KCNT1: variants seen among roughly 807,000 people sequenced by gnomAD.
KCNT1 encodes the protein potassium sodium-activated channel subfamily T member 1.
Under a neutral mutation model 147.8 loss-of-function variants are expected in KCNT1, and 78 were observed. That is an observed-to-expected ratio of 0.53 (90% confidence interval 0.44 to 0.64). The LOEUF (loss-of-function observed/expected upper bound fraction) is 0.64, where lower values mean the gene tolerates loss of function less well. Among genes scored for constraint, KCNT1 ranks in the 30% least tolerant of loss-of-function variants. The pLI, the probability that KCNT1 is intolerant of heterozygous loss-of-function variation, is 0.00. For synonymous variants in KCNT1, 867 were observed against 748.8 expected (o/e 1.16, Z -2.58); for missense variants, 1,419 against 1,750.3 (o/e 0.81, Z 3.38).
At chr9:135,756,711 A>G (rs1327521797) in intron 6 of KCNT1, among the ~76,000 whole-genome samples, 162 bp from the exon 7 acceptor site, 1 of 151,984 alleles carries the variant, frequency 6.6e-6, no homozygotes, top group Non-Finnish European at 1.5e-5. Context: ...GGTCAGCCAA[A>G]GGCCTTGGTG....
chr9:135,719,208 C>T (rs1018208340), intron 2 of KCNT1, among the ~76,000 whole-genome samples: 9 of 152,304 alleles, frequency 5.9e-5, no homozygotes, highest in East Asian at 3.9e-4. Flanking sequence ...CCTAAGTGAG[C>T]GTCATGGCCC....
At chr9:135,785,933 C>T (rs1834008812) in intron 28 of KCNT1, 1 of 548,622 alleles carries the variant, frequency 1.8e-6, no homozygotes, top group Non-Finnish European at 3.2e-6. Context: ...CCCTCAGCAG[C>T]CTGGCGAATC....
intron 13 of KCNT1, 72 bp downstream of exon 13, chr9:135,765,832 G>C: frequency 5.0e-6 from 7 of 1,400,432 alleles, no homozygotes; most frequent in Non-Finnish European, 6.9e-6. Context: ...CAGGGCTGAG[G>C]CATTGACCGT....
rs564947419 is a variant in KCNT1 at position 135,794,088 on chromosome 9, G to A, written c.*1927G>A. On this transcript the variant is annotated 3_prime_UTR_variant, in exon 31 of 31. Transcript: ENST00000371757. ...AGGGAGGAGAAGGGAGAGAAAAGCC[G>A]GTCTGGCTGCTGGGATGGGAGGGCC... 1.5e-4 allele frequency: 23 copies of A among 152,586 alleles called. No homozygotes were observed. Among genetic ancestry groups the A allele is most frequent in the African/African-American group, 4.3e-4 (18 of 41,592 alleles). 9.5% of individuals were successfully genotyped at this position (152,586 alleles called of 1,614,324 possible).
chr9:135,737,781 G>A (rs542654390), intron 2 of KCNT1, among the ~76,000 whole-genome samples: 1 of 152,284 alleles, frequency 6.6e-6, no homozygotes, highest in East Asian at 1.9e-4. Context: ...GGGCTGTTGG[G>A]CCCCTCCCGG....
At chr9:135,740,454 G>C (rs1185929522) in intron 2 of KCNT1, among the ~76,000 whole-genome samples, 1 of 152,188 alleles carries the variant, frequency 6.6e-6, no homozygotes, top group African/African-American at 2.4e-5. Context: ...GGGGCTCCTA[G>C]AGAGCCCAGA....
At chr9:135,702,545 G>A (rs1835074487) in intron 1 of KCNT1, among the ~76,000 whole-genome samples, 177 bp downstream of exon 1, 1 of 152,186 alleles carries the variant, frequency 6.6e-6, no homozygotes, top group Admixed American at 6.5e-5. Flanking sequence ...CCCTCAGGGT[G>A]GGCCGCACTA....
intron 13 of KCNT1, chr9:135,768,344 T>TG (rs1304726006): frequency 0.019 from 501 of 25,722 alleles, no homozygotes; most frequent in Middle Eastern, 0.057. Context: ...TGATGTGGGT[T>TG]GGGGGGGGGG....
intron 1 of KCNT1, among the ~76,000 whole-genome samples, chr9:135,705,462 G>A (rs957838593): frequency 6.6e-6 from 1 of 152,244 alleles, no homozygotes; most frequent in Non-Finnish European, 1.5e-5. Flanking sequence ...CAGGCGCACC[G>A]TGGGCACGTG....
intron 2 of KCNT1, among the ~76,000 whole-genome samples, chr9:135,717,475 G>A (rs187133841): frequency 2.4e-3 from 367 of 152,208 alleles, no homozygotes; most frequent in African/African-American, 7.9e-3. Flanking sequence ...TGTCCAGCCC[G>A]GTTCCCAGCA....
Position 135,764,993 on chromosome 9 carries a change from G to C in KCNT1, c.1036-38G>C, listed in dbSNP as rs746563323. 4 of 1,583,214 alleles carry C rather than the reference G, an allele frequency of 2.5e-6. No individual in the cohort carries two copies. In the East Asian group the frequency reaches 6.8e-5, roughly 27 times the overall value. On this transcript the variant is annotated intron_variant, in intron 11 of 30. Coordinates refer to ENST00000371757, the MANE Select transcript of KCNT1 (RefSeq NM_020822.3). ...CTTCACCGGGAGCCCTCGCTCCCCA[G>C]GCCTGGTCGCTGGTGCTCACCTGTT...
At chr9:135,750,075 C>T in intron 2 of KCNT1, 23 bp from the exon 3 acceptor site, 2 of 1,606,324 alleles carry the variant, frequency 1.2e-6, no homozygotes, top group Middle Eastern at 1.7e-4. Context: ...CCTGAGCCTC[C>T]ATGCCCCTCT....
At chr9:135,767,279 G>A (rs376559880) in intron 13 of KCNT1, among the ~76,000 whole-genome samples, 5 of 152,182 alleles carry the variant, frequency 3.3e-5, no homozygotes, top group African/African-American at 9.7e-5. Context: ...GTGGGGAGAG[G>A]GCAAGGGCGT....
chr9:135,771,659 C>T (rs1832772500), intron 18 of KCNT1, among the ~76,000 whole-genome samples: 1 of 152,236 alleles, frequency 6.6e-6, no homozygotes, highest in Non-Finnish European at 1.5e-5. Flanking sequence ...TTGGCCTCTT[C>T]TCGTGCCTTC....
At position 135,714,653 on chromosome 9, in the gene KCNT1, C is replaced by T; in HGVS notation, c.187C>T (p.Pro63Ser). Reference sequence around the variant, plus strand: ...GAGCGACCTGGACTCCGAGGTGCTGCCCTTGCCGCCGCGCTACCGCTTCCG... The same window carrying T: ...GAGCGACCTGGACTCCGAGGTGCTGTCCTTGCCGCCGCGCTACCGCTTCCG... ...KMSDLDSEVL[P>S]LPPRYRFRDL... Residue 63 changes from proline to serine, a missense_variant, in exon 2 of 31, where the codon CCC becomes TCC. Transcript: ENST00000371757. This position sits in a 1 kb window ranked among gnomAD's most constrained non-coding sequence, Gnocchi z 6.2. 2 of 1,484,806 alleles carry T rather than the reference C, an allele frequency of 1.3e-6. No homozygotes were observed. The highest frequency in any genetic ancestry group is 1.8e-6 in the Non-Finnish European group (2 of 1,108,246). The allele number at this position is 1,484,806 out of a possible 1,614,324, so 92.0% of individuals were successfully genotyped here.
At chr9:135,710,581 G>C (rs1835444159) in intron 1 of KCNT1, among the ~76,000 whole-genome samples, 2 of 152,114 alleles carry the variant, frequency 1.3e-5, no homozygotes, top group South Asian at 4.1e-4. Context: ...GGATTCCAAC[G>C]TGGGCTTCAG....
chr9:135,710,601 G>T (rs1835445608), intron 1 of KCNT1, among the ~76,000 whole-genome samples: 1 of 152,130 alleles, frequency 6.6e-6, no homozygotes, highest in Non-Finnish European at 1.5e-5. Context: ...GCTGGTCAAG[G>T]CACTCTGCTG....
intron 1 of KCNT1, among the ~76,000 whole-genome samples, chr9:135,705,237 G>A (rs929545069): frequency 1.2e-4 from 19 of 152,180 alleles, no homozygotes; most frequent in African/African-American, 1.9e-4. Context: ...CTGCTTCCCC[G>A]GGATGCAAAC....
intron 1 of KCNT1, among the ~76,000 whole-genome samples, chr9:135,711,342 G>C (rs1287816431): frequency 6.6e-6 from 1 of 152,118 alleles, no homozygotes; most frequent in African/African-American, 2.4e-5. Flanking sequence ...TATCAGAAGA[G>C]CCCCCCAGCT....
Sources: allele counts gnomAD v4.1 joint callset (sites outside exome capture counted in the v4.1 genomes callset), GRCh38; gene constraint gnomAD v4.1.1; non-coding constraint Gnocchi (gnomAD v3.1); transcripts MANE v1.5; gene names NCBI Gene and HGNC (gene_info 2026-07-23, HGNC 2026-07-21).